The following PRIMA1 variants were observed in gnomAD, a reference collection of about 807,000 sequenced individuals.
The protein encoded by PRIMA1 is proline rich membrane anchor 1, also known as proline-rich membrane anchor 1.
In PRIMA1, 7 loss-of-function variants were observed where a neutral mutation model predicts 17.5. That is an observed-to-expected ratio of 0.40 (90% CI 0.23 to 0.75). The LOEUF (loss-of-function observed/expected upper bound fraction) is 0.75. PRIMA1 is among the 30% of genes least tolerant of loss of function. The pLI, the probability that PRIMA1 is intolerant of heterozygous loss-of-function variation, is 0.37. For synonymous variants in PRIMA1, 97 were observed against 77.9 expected (o/e 1.25, Z -1.29); for missense variants, 200 against 201.8 (o/e 0.99, Z 0.05).
chr14:93,722,428 TAGCAATGGTGATGGTGGC>T (rs2076045757), intron 4 of PRIMA1, among the ~76,000 whole-genome samples: 1 of 151,200 alleles, frequency 6.6e-6, no homozygotes, highest in Non-Finnish European at 1.5e-5. Flanking sequence ...GTGATGGAGG[TAGCAATGGTGATGGTGGC>T]AGCAGTGATG....
At chr14:93,755,250 C>T (rs561595393) in intron 3 of PRIMA1, among the ~76,000 whole-genome samples, 123 of 152,236 alleles carry the variant, frequency 8.1e-4, no homozygotes, top group Admixed American at 1.6e-3. Context: ...ATCCTGAGTG[C>T]GAGCACCCTG....
chr14:93,786,094 C>T (rs889962304), intron 2 of PRIMA1, among the ~76,000 whole-genome samples: 4 of 152,130 alleles, frequency 2.6e-5, no homozygotes, highest in Non-Finnish European at 5.9e-5. Context: ...ACGTTGCTTC[C>T]CACCCCAGGT....
chr14:93,747,856 A>AGT (rs1210333025), intron 3 of PRIMA1, among the ~76,000 whole-genome samples: 1 of 136,966 alleles, frequency 7.3e-6, no homozygotes, highest in Non-Finnish European at 1.6e-5. Flanking sequence ...TGTGTGTATG[A>AGT]GTGTGTGTGA....
At chr14:93,753,908 G>C (rs1437914631) in intron 3 of PRIMA1, among the ~76,000 whole-genome samples, 1 of 152,184 alleles carries the variant, frequency 6.6e-6, no homozygotes, top group African/African-American at 2.4e-5. Context: ...CAGATGCTAT[G>C]ATGGCGATTT....
At chr14:93,786,464 C>T (rs143289897) in intron 2 of PRIMA1, among the ~76,000 whole-genome samples, 3 of 152,292 alleles carry the variant, frequency 2.0e-5, no homozygotes, top group East Asian at 1.9e-4. Flanking sequence ...AGCAAGCTCT[C>T]GGCAGGGCCC....
In PRIMA1 at chr14:93,726,396, G is replaced by A. The variant is rs539097140; in HGVS notation, c.360-4850C>T. Among the ~76,000 whole-genome samples, 3 of 152,200 alleles carry A rather than the reference G, an allele frequency of 2.0e-5. No homozygotes were observed. Among genetic ancestry groups the A allele is most frequent in the South Asian group, 2.1e-4 (1 of 4,812 alleles). On this transcript the variant is annotated intron_variant, in intron 4 of 4. Transcript: ENST00000393140. This position sits in a 1 kb window ranked among gnomAD's most constrained non-coding sequence, Gnocchi z 4.2. ...GGGAGGCTGTCTTCCTGCCTCATGC[G>A]CCCCTGGGAGAAGTGAAAGTTAAAG... is the stretch of plus-strand genomic sequence containing the variant.
rs923220031 is a variant in PRIMA1 at position 93,721,038 on chromosome 14, G to A, written c.*406C>T. The A allele has an allele frequency of 4.2e-5, 7 of 168,350 alleles. No homozygotes were observed. The highest frequency in any genetic ancestry group is 1.7e-4 in the South Asian group (1 of 5,830). 10.4% of individuals were successfully genotyped at this position (168,350 alleles called of 1,614,324 possible). ...TTCCTGGGAGGAGGAGAGGTTTTCC[G>A]GCAGGGAGTGGGCTCCGGACCATCT... On this transcript the variant is annotated 3_prime_UTR_variant, in exon 5 of 5. Coordinates refer to ENST00000393140, the MANE Select transcript of PRIMA1 (RefSeq NM_178013.4).
intron 3 of PRIMA1, 142 bp from the exon 4 acceptor site, chr14:93,737,512 G>A (rs868244876): frequency 6.8e-5 from 63 of 928,308 alleles, no homozygotes; most frequent in South Asian, 2.2e-4. Context: ...CAACAGAGGC[G>A]TGGGGAGGTC....
At chr14:93,743,295 G>C (rs1026544524) in intron 3 of PRIMA1, among the ~76,000 whole-genome samples, 3 of 152,194 alleles carry the variant, frequency 2.0e-5, no homozygotes, top group African/African-American at 7.2e-5. Context: ...GGCCTCAGAG[G>C]CATCATTAGA....
rs938536432 is a variant in PRIMA1 at position 93,780,075 on chromosome 14, C to G, written c.94-764G>C. Among the ~76,000 whole-genome samples, 3 of 152,376 alleles carry G rather than the reference C, an allele frequency of 2.0e-5. No homozygotes were observed. The South Asian group carries it at 6.2e-4, about 32-fold the overall frequency. On this transcript the variant is annotated intron_variant, in intron 2 of 4. Transcript: ENST00000393140. ...GGCCCCACCTCGTCCCATGCTCTCT[C>G]CCCATCTCTCTGCCCTCATTCTCTC...
At chr14:93,753,081 C>T (rs2076270600) in intron 3 of PRIMA1, among the ~76,000 whole-genome samples, 1 of 152,214 alleles carries the variant, frequency 6.6e-6, no homozygotes, top group Admixed American at 6.5e-5. Flanking sequence ...ATGGCCAGGG[C>T]TCTTTCCTGG....
intron 2 of PRIMA1, among the ~76,000 whole-genome samples, chr14:93,782,628 A>G (rs1179185178): frequency 6.6e-6 from 1 of 152,200 alleles, no homozygotes; most frequent in Non-Finnish European, 1.5e-5. Context: ...TCAAAACAAA[A>G]CAAAACAAAA....
chr14:93,786,086 G>T (rs577264762), intron 2 of PRIMA1, among the ~76,000 whole-genome samples: 10 of 152,292 alleles, frequency 6.6e-5, no homozygotes, highest in African/African-American at 2.4e-4. Flanking sequence ...ACCTCACTAC[G>T]TTGCTTCCCA....
At chr14:93,778,327 T>C (rs1442174400) in intron 3 of PRIMA1, among the ~76,000 whole-genome samples, 1 of 152,196 alleles carries the variant, frequency 6.6e-6, no homozygotes, top group Non-Finnish European at 1.5e-5. Context: ...ACAGTCAAAA[T>C]GCAGAAATTC....
At chr14:93,754,885 G>A (rs147178470) in intron 3 of PRIMA1, among the ~76,000 whole-genome samples, 294 of 152,264 alleles carry the variant, frequency 1.9e-3, no homozygotes, top group Non-Finnish European at 3.6e-3. Context: ...ACAGGGTGAC[G>A]CTTCAGAAAC....
At chr14:93,759,568 G>A (rs114047835) in intron 3 of PRIMA1, among the ~76,000 whole-genome samples, 385 of 152,264 alleles carry the variant, frequency 2.5e-3, no homozygotes, top group African/African-American at 8.6e-3. Flanking sequence ...GAGGAGTCAC[G>A]TCAACTTGCA....
intron 3 of PRIMA1, among the ~76,000 whole-genome samples, chr14:93,753,118 G>A (rs1030531188): frequency 3.3e-5 from 5 of 152,186 alleles, no homozygotes; most frequent in African/African-American, 7.2e-5. Context: ...AGACTGATGC[G>A]TCCAACACAG....
At chr14:93,785,334 A>G (rs1885494496) in intron 2 of PRIMA1, among the ~76,000 whole-genome samples, 1 of 152,226 alleles carries the variant, frequency 6.6e-6, no homozygotes, top group South Asian at 2.1e-4. Flanking sequence ...CAATTTAAAT[A>G]TCGTCTAACT....
At chr14:93,740,424 T>A (rs1262526928) in intron 3 of PRIMA1, among the ~76,000 whole-genome samples, 3 of 152,236 alleles carry the variant, frequency 2.0e-5, no homozygotes, top group Non-Finnish European at 4.4e-5. Context: ...AAGTCACTGC[T>A]GGAGAGTCAG....
Sources: allele counts gnomAD v4.1 joint callset (sites outside exome capture counted in the v4.1 genomes callset), GRCh38; gene constraint gnomAD v4.1.1; non-coding constraint Gnocchi (gnomAD v3.1); transcripts MANE v1.5; gene names NCBI Gene and HGNC (gene_info 2026-07-23, HGNC 2026-07-21).